The following CRTAP variants were observed in gnomAD, a reference collection of about 807,000 sequenced individuals.
CRTAP encodes the protein cartilage-associated protein.
In CRTAP, 33 loss-of-function variants were observed where a neutral mutation model predicts 42.7. The observed-to-expected ratio is 0.77, with a 90% CI of 0.59 to 1.03. The LOEUF (loss-of-function observed/expected upper bound fraction) is 1.03, where lower values mean the gene tolerates loss of function less well. Among genes scored for constraint, CRTAP ranks in the 50% least tolerant of loss-of-function variants. The pLI, the probability that CRTAP is intolerant of heterozygous loss-of-function variation, is 0.00. For missense variants in CRTAP, 613 were observed against 533.9 expected, an observed-to-expected ratio of 1.15 and a Z score of -1.46; for synonymous variants, 243 against 217.7, an observed-to-expected ratio of 1.12 and a Z score of -1.02.
In CRTAP at chr3:33,145,696, C is replaced by T. The variant is rs2030702572; in HGVS notation, c.*3248C>T. 1 of 152,344 alleles carries T rather than the reference C, an allele frequency of 6.6e-6. No homozygotes were observed. Among genetic ancestry groups the T allele is most frequent in the Non-Finnish European group, 1.5e-5 (1 of 68,176 alleles). The allele number at this position is 152,344 out of a possible 1,614,324, so 9.4% of individuals were successfully genotyped here. On this transcript the variant is annotated 3_prime_UTR_variant, in exon 7 of 7. Transcript: ENST00000320954. This position sits in a 1 kb window ranked among gnomAD's most constrained non-coding sequence, Gnocchi z 4.3. ...GTGTGAGAAAATGAAAGCCGACGTC[C>T]ACAGGGACCCAGGCAGGGTTGGGTG... is the stretch of plus-strand genomic sequence containing the variant.
At chr3:33,129,909 T>G in intron 3 of CRTAP, 30 bp from the exon 4 acceptor site, 1 of 1,606,320 alleles carries the variant, frequency 6.2e-7, no homozygotes, top group Non-Finnish European at 8.5e-7. Context: ...ATGGATCCAC[T>G]GCTCTGAAAA....
intron 1 of CRTAP, among the ~76,000 whole-genome samples, chr3:33,117,310 T>C (rs1701354089): frequency 6.6e-6 from 1 of 152,146 alleles, no homozygotes; most frequent in Non-Finnish European, 1.5e-5. Context: ...GAGAAATGCC[T>C]CAATTGATCA....
At chr3:33,129,535 C>CTTT (rs753545426) in intron 3 of CRTAP, among the ~76,000 whole-genome samples, 23 of 115,718 alleles carry the variant, frequency 2.0e-4, no homozygotes, top group Non-Finnish European at 2.5e-4. Flanking sequence ...TTTTCTTTTT[C>CTTT]TTTTTTTTTT....
In CRTAP at chr3:33,143,275, A is replaced by G. The variant is rs1181279403; in HGVS notation, c.*827A>G. 3 of 152,220 alleles carry G rather than the reference A, an allele frequency of 2.0e-5. No homozygotes were observed. Among genetic ancestry groups the G allele is most frequent in the East Asian group, 1.9e-4 (1 of 5,200 alleles). 9.4% of individuals were successfully genotyped at this position (152,220 alleles called of 1,614,324 possible). On this transcript the variant is annotated 3_prime_UTR_variant, in exon 7 of 7. Coordinates refer to ENST00000320954, the MANE Select transcript of CRTAP (RefSeq NM_006371.5). ...TAGGCTAAATTTCTCCAGCCTCACA[A>G]TGGTCTTCACTTGGTCTGACTTGTA...
intron 1 of CRTAP, chr3:33,115,179 C>T (rs549156168): frequency 9.2e-5 from 14 of 152,400 alleles, no homozygotes; most frequent in African/African-American, 3.4e-4. Flanking sequence ...CTCCCGGACT[C>T]AAGTGATCCT....
intron 6 of CRTAP, among the ~76,000 whole-genome samples, chr3:33,135,983 AT>A (rs1422906923): frequency 2.6e-5 from 4 of 152,292 alleles, no homozygotes; most frequent in South Asian, 2.1e-4. Flanking sequence ...ACTTTAGAAC[AT>A]TTTTATTGCC....
intron 3 of CRTAP, among the ~76,000 whole-genome samples, chr3:33,127,566 G>C (rs1419446621): frequency 1.3e-5 from 2 of 151,816 alleles, no homozygotes; most frequent in African/African-American, 4.8e-5. Flanking sequence ...TCCTGCCTCA[G>C]CCTCCCGAGT....
Position 33,133,567 on chromosome 3 carries a change from C to A in CRTAP, c.1069-615C>A, listed in dbSNP as rs72857475. Among the ~76,000 whole-genome samples the A allele has an allele frequency of 4.4e-3, 670 of 152,168 alleles. 11 individuals are homozygous for A. Among genetic ancestry groups the A allele is most frequent in the African/African-American group, 0.015 (619 of 41,500 alleles). ...CGCCCAGCCTGTGCCATCTCTTTAT[C>A]TCCTGCTTTAAAGGTATATATTTAC... On this transcript the variant is annotated intron_variant, in intron 5 of 6. Transcript: ENST00000320954.
chr3:33,125,880 T>C (rs904333999), intron 3 of CRTAP, among the ~76,000 whole-genome samples: 3 of 152,256 alleles, frequency 2.0e-5, no homozygotes, highest in African/African-American at 4.8e-5. Flanking sequence ...TGTGTGTGCC[T>C]TTAATTTACC....
At position 33,146,339 on chromosome 3, in the gene CRTAP, C is replaced by CGGCCGCCCATT. The variant is rs1559439048; in HGVS notation, c.*3892_*3893insGCCGCCCATTG. 3.4e-4 allele frequency: 52 copies of CGGCCGCCCATT among 152,338 alleles called. No individual in the cohort carries two copies. Among genetic ancestry groups the CGGCCGCCCATT allele is most frequent in the African/African-American group, 1.2e-3 (50 of 41,558 alleles). 9.4% of individuals were successfully genotyped at this position (152,338 alleles called of 1,614,324 possible). On this transcript the variant is annotated 3_prime_UTR_variant, in exon 7 of 7. Transcript: ENST00000320954. ...GCAGGCTGGTGGGGAGGCCGCCCATCGTGGTGGGGCATCTGTCCAGCCCCA... is the reference window on the plus strand; with the variant it reads ...GCAGGCTGGTGGGGAGGCCGCCCATCGGCCGCCCATTGTGGTGGGGCATCTGTCCAGCCCCA...
chr3:33,122,971 CTT>C (rs1261251937), intron 2 of CRTAP, among the ~76,000 whole-genome samples: 1 of 148,954 alleles, frequency 6.7e-6, no homozygotes, highest in Admixed American at 6.7e-5. Flanking sequence ...TTCTCTCTCT[CTT>C]TTTTTTTTGA....
At chr3:33,121,097 AGG>A (rs2029871484) in intron 2 of CRTAP, among the ~76,000 whole-genome samples, 1 of 152,134 alleles carries the variant, frequency 6.6e-6, no homozygotes, top group African/African-American at 2.4e-5. Flanking sequence ...GTTTCAAGCA[AGG>A]GCAGGGCATT....
At chr3:33,114,800 A>T (rs1701325260) in intron 1 of CRTAP, among the ~76,000 whole-genome samples, 1 of 152,238 alleles carries the variant, frequency 6.6e-6, no homozygotes, top group South Asian at 2.1e-4. Flanking sequence ...AGCGCCAGGC[A>T]CCCAACAAAG....
At chr3:33,114,572 A>G (rs1052610154) in intron 1 of CRTAP, 24 bp downstream of exon 1, 17 of 1,555,556 alleles carry the variant, frequency 1.1e-5, no homozygotes, top group Non-Finnish European at 1.5e-5. Flanking sequence ...GCCCCGTCCC[A>G]GGCCCCGGCC....
At position 33,147,170 on chromosome 3, in the gene CRTAP, C is replaced by G. The variant is rs567018114; in HGVS notation, c.*4722C>G. 1 of 152,748 alleles carries G rather than the reference C, an allele frequency of 6.5e-6. No homozygotes were observed. The highest frequency in any genetic ancestry group is 2.1e-4 in the South Asian group (1 of 4,832). The allele number at this position is 152,748 out of a possible 1,614,324, so 9.5% of individuals were successfully genotyped here. A position where few individuals can be genotyped will look rare whatever the true frequency, so the allele number is the denominator to read the frequency against. ...GGAGGAAAGAAAAAAAGGAAAGGAA[C>G]CTTAAGTAAGCCTCAGCCAAAGGTT... On this transcript the variant is annotated 3_prime_UTR_variant, in exon 7 of 7. Coordinates refer to ENST00000320954, the MANE Select transcript of CRTAP (RefSeq NM_006371.5).
chr3:33,122,192 T>C (rs1466049752), intron 2 of CRTAP, among the ~76,000 whole-genome samples: 1 of 152,146 alleles, frequency 6.6e-6, no homozygotes, highest in Non-Finnish European at 1.5e-5. Flanking sequence ...GCTAGTCCTG[T>C]TGGCCCTCAC....
At chr3:33,123,296 T>A (rs2029949488) in intron 2 of CRTAP, among the ~76,000 whole-genome samples, 1 of 152,212 alleles carries the variant, frequency 6.6e-6, no homozygotes, top group Non-Finnish European at 1.5e-5. Flanking sequence ...TGTCCAGTTG[T>A]AATCCCCAGG....
At chr3:33,140,557 C>G (rs1286007982) in intron 6 of CRTAP, among the ~76,000 whole-genome samples, 1 of 152,176 alleles carries the variant, frequency 6.6e-6, no homozygotes, top group Non-Finnish European at 1.5e-5. Flanking sequence ...ACTTTAGCTG[C>G]TGATATGTGT....
chr3:33,114,358 C>T lies in CRTAP; in HGVS notation c.281C>T (p.Pro94Leu), dbSNP rs777442496. Residue 94 changes from proline (P) to leucine (L), a missense_variant, in exon 1 of 7, where the codon CCC becomes CTC. Transcript: ENST00000320954. Reference protein sequence around the residue: ...CHRNCSAAPQPEPAAGLASYP... With the variant: ...CHRNCSAAPQLEPAAGLASYP... ...CGCAACTGCAGCGCCGCGCCGCAGC[C>T]CGAGCCCGCCGCCGGCCTCGCCAGC... 1.3e-6 allele frequency: 2 copies of T among 1,522,560 alleles called. No homozygotes were observed. The highest frequency in any genetic ancestry group is 1.2e-5 in the South Asian group (1 of 82,244). The allele number at this position is 1,522,560 out of a possible 1,614,324, so 94.3% of individuals were successfully genotyped here.
Sources: gnomAD v4.1 joint callset for allele counts (sites outside exome capture counted in the v4.1 genomes callset) on GRCh38, gnomAD v4.1.1 for gene constraint, Gnocchi (gnomAD v3.1) non-coding constraint, MANE v1.5 for transcripts, NCBI Gene and HGNC (gene_info 2026-07-23, HGNC 2026-07-21) for gene names.